The following RARB variants were observed in gnomAD, a reference collection of about 807,000 sequenced individuals.
RARB encodes retinoic acid receptor beta.
In RARB, 17 loss-of-function variants were observed where a neutral mutation model predicts 51.9. The ratio of observed to expected loss-of-function variants is 0.33; its 90% CI spans 0.22 to 0.49. The LOEUF (loss-of-function observed/expected upper bound fraction) is 0.49, where lower values mean the gene tolerates loss of function less well. Ranked by LOEUF, RARB falls within the 20% of genes least tolerant of loss-of-function variation. RARB has a pLI of 0.99. For synonymous variants in RARB, 215 were observed against 195.4 expected, an observed-to-expected ratio of 1.10 and a Z score of -0.84; for missense variants, 369 against 550.8, an observed-to-expected ratio of 0.67 and a Z score of 3.30.
chr3:25,259,524 C>A (rs1304700492), intron 5 of RARB, among the ~76,000 whole-genome samples: 1 of 152,138 alleles, frequency 6.6e-6, no homozygotes, highest in Non-Finnish European at 1.5e-5. Flanking sequence ...CTACCTTTAG[C>A]CTAGGTCCCT....
At chr3:25,049,136 G>A (rs1250823997) in intron 2 of RARB, among the ~76,000 whole-genome samples, 1 of 152,172 alleles carries the variant, frequency 6.6e-6, no homozygotes, top group Non-Finnish European at 1.5e-5. Flanking sequence ...AGCTGATTTG[G>A]AGAAGTTTTG....
At chr3:25,579,033 A>G (rs1411201103) in intron 4 of RARB, among the ~76,000 whole-genome samples, 1 of 152,252 alleles carries the variant, frequency 6.6e-6, no homozygotes, top group Non-Finnish European at 1.5e-5. Context: ...AAACGAAAGT[A>G]AAGCATCAGT....
intron 2 of RARB, among the ~76,000 whole-genome samples, chr3:25,470,685 A>C (rs193128998): frequency 2.0e-4 from 30 of 152,356 alleles, no homozygotes; most frequent in Admixed American, 1.3e-3. Flanking sequence ...GATATTAAAG[A>C]CACTCAAAAG....
intron 3 of RARB, among the ~76,000 whole-genome samples, chr3:25,559,937 G>A (rs189264969): frequency 3.2e-3 from 482 of 152,286 alleles, no homozygotes; most frequent in Non-Finnish European, 5.3e-3. Flanking sequence ...TTTCTTGGAT[G>A]TCTATTTGGA....
intron 5 of RARB, among the ~76,000 whole-genome samples, chr3:25,286,743 A>G (rs889772833): frequency 6.6e-6 from 1 of 152,234 alleles, no homozygotes; most frequent in Non-Finnish European, 1.5e-5. Context: ...GAGAGTTGAC[A>G]AAGTCATGTG....
intron 2 of RARB, chr3:25,025,268 C>T (rs563898830): frequency 6.6e-6 from 1 of 152,176 alleles, no homozygotes; most frequent in Admixed American, 6.6e-5. Context: ...CAGGTGATAG[C>T]AAATGCTTAT....
At chr3:24,959,498 C>T (rs377703809) in intron 2 of RARB, among the ~76,000 whole-genome samples, 17 of 152,204 alleles carry the variant, frequency 1.1e-4, no homozygotes, top group Admixed American at 3.9e-4. Flanking sequence ...GGTTTTTTAT[C>T]GATATAGCAT....
chr3:25,581,868 G>A (rs1269094349), intron 5 of RARB, among the ~76,000 whole-genome samples: 3 of 152,110 alleles, frequency 2.0e-5, no homozygotes, highest in Non-Finnish European at 2.9e-5. Context: ...CCTGACCTCA[G>A]ACTTCCAGCC....
intron 2 of RARB, among the ~76,000 whole-genome samples, chr3:25,007,592 C>CAAGAAAAAAAAAAAAAA (rs1697299374): frequency 2.2e-5 from 1 of 45,418 alleles, no homozygotes; most frequent in Non-Finnish European, 3.7e-5. Flanking sequence ...GAGACTGTCT[C>CAAGAAAAAAAAAAAAAA]AAAAAAAAAA....
In RARB at chr3:24,992,697, G is replaced by A. The variant is rs571364473; in HGVS notation, c.-379-67428G>A. 5.3e-5 allele frequency among the ~76,000 whole-genome samples: 8 copies of A among 151,978 alleles called. No homozygotes were observed. The East Asian group carries it at 1.2e-3, about 22-fold the overall frequency. ...GGCTTATAGATGGCCATCTCCCCCC[G>A]TGTCTTCCCGTTTCCCTCTGTGTAT... On this transcript the variant is annotated intron_variant, in intron 2 of 11. Transcript: ENST00000383772.
At chr3:25,381,486 T>G (rs1464463322) in intron 5 of RARB, among the ~76,000 whole-genome samples, 1 of 152,234 alleles carries the variant, frequency 6.6e-6, no homozygotes, top group Non-Finnish European at 1.5e-5. Context: ...ATACAATTTT[T>G]GCGAGGGTTA....
At chr3:24,913,308 G>A (rs570277899) in intron 2 of RARB, among the ~76,000 whole-genome samples, 15 of 151,822 alleles carry the variant, frequency 9.9e-5, no homozygotes, top group African/African-American at 3.1e-4. Context: ...CTTAACAGAG[G>A]GTTTTCCCAC....
intron 5 of RARB, among the ~76,000 whole-genome samples, chr3:25,216,650 C>T (rs576955504): frequency 8.0e-4 from 121 of 151,276 alleles, no homozygotes; most frequent in African/African-American, 2.9e-3. Flanking sequence ...AGCACCATAG[C>T]ACATGTATAC....
chr3:25,489,896 G>T (rs536944913), intron 2 of RARB, among the ~76,000 whole-genome samples: 1 of 152,342 alleles, frequency 6.6e-6, no homozygotes, highest in South Asian at 2.1e-4. Context: ...TGTAGAGGTC[G>T]ATACTCTTAG....
chr3:25,393,020 T>C (rs1707014714), intron 5 of RARB, among the ~76,000 whole-genome samples: 1 of 152,146 alleles, frequency 6.6e-6, no homozygotes, highest in Non-Finnish European at 1.5e-5. Context: ...ATGTTGGCTG[T>C]GGGTTTGTCA....
At chr3:25,119,013 T>C (rs973136059) in intron 3 of RARB, among the ~76,000 whole-genome samples, 12 of 152,218 alleles carry the variant, frequency 7.9e-5, no homozygotes, top group Middle Eastern at 3.4e-3. Context: ...TGAAAAAATA[T>C]CATGCAGTTT....
intron 3 of RARB, among the ~76,000 whole-genome samples, chr3:25,528,473 T>A (rs1323357405): frequency 6.6e-6 from 1 of 151,952 alleles, no homozygotes; most frequent in South Asian, 2.1e-4. Flanking sequence ...ATCCTCTGAT[T>A]GTTGAACTGA....
chr3:25,345,023 A>G (rs1705346669), intron 5 of RARB, among the ~76,000 whole-genome samples: 1 of 152,194 alleles, frequency 6.6e-6, no homozygotes, highest in South Asian at 2.1e-4. Flanking sequence ...TTGGTTTACA[A>G]ACAAAGACTG....
At chr3:25,259,098 G>C in intron 5 of RARB, 1 of 983,976 alleles carries the variant, frequency 1.0e-6, no homozygotes, top group African/African-American at 1.7e-5. Flanking sequence ...CCAAAGAACT[G>C]TCTCATTCAA....
Sources: gnomAD v4.1 joint callset for allele counts (sites outside exome capture counted in the v4.1 genomes callset) on GRCh38, gnomAD v4.1.1 for gene constraint, MANE v1.5 for transcripts, NCBI Gene and HGNC (gene_info 2026-07-23, HGNC 2026-07-21) for gene names.